ARFGEF2: variants seen among roughly 807,000 people sequenced by gnomAD.
ARFGEF2 encodes ARF guanine nucleotide exchange factor 2, also known as brefeldin A-inhibited guanine nucleotide-exchange protein 2.
A neutral mutation model predicts 219.9 loss-of-function variants in ARFGEF2; 74 were observed. The observed-to-expected ratio is 0.34, with a 90% CI of 0.28 to 0.41. ARFGEF2 has a LOEUF of 0.41. ARFGEF2 is among the 10% of genes least tolerant of loss of function. The probability of loss-of-function intolerance (pLI) is 1.00; values close to 1 mark genes in which losing one functional copy is unlikely to be tolerated. For missense variants in ARFGEF2, 1,743 were observed against 2,218.3 expected (o/e 0.79, Z 4.30); for synonymous variants, 733 against 799.2 (o/e 0.92, Z 1.40).
chr20:48,926,554 G>A (rs2090878096), intron 1 of ARFGEF2, among the ~76,000 whole-genome samples: 1 of 151,952 alleles, frequency 6.6e-6, no homozygotes, highest in South Asian at 2.1e-4. Context: ...TCCATCCCTG[G>A]CTCAGGTGAT....
chr20:49,016,218 C>T, intron 30 of ARFGEF2, 62 bp from the exon 31 acceptor site: 1 of 1,592,140 alleles, frequency 6.3e-7, no homozygotes, highest in Non-Finnish European at 8.6e-7. Context: ...CAGGAGTGTA[C>T]AAGAATGCCC....
chr20:48,986,236 T>C (rs942342066), intron 16 of ARFGEF2, among the ~76,000 whole-genome samples: 1 of 152,174 alleles, frequency 6.6e-6, no homozygotes, highest in Admixed American at 6.5e-5. Flanking sequence ...GTTTTACAGA[T>C]GAGGAAATTG....
At position 48,941,290 on chromosome 20, in the gene ARFGEF2, G is replaced by A. The variant is rs1419475187; in HGVS notation, c.152+61G>A. 7 of 1,549,412 alleles carry A rather than the reference G, an allele frequency of 4.5e-6. No individual in the cohort carries two copies. In the East Asian group the frequency reaches 1.4e-4, roughly 30 times the overall value. On this transcript the variant is annotated intron_variant, in intron 2 of 38. Transcript: ENST00000371917. ...CATGAAGGGAGTAGGTAGCAACTGG[G>A]GGAGCCTCTTTCTCTGCTTGGTTTC...
At chr20:48,932,690 C>G (rs1342605990) in intron 1 of ARFGEF2, among the ~76,000 whole-genome samples, 1 of 152,116 alleles carries the variant, frequency 6.6e-6, no homozygotes, top group Non-Finnish European at 1.5e-5. Flanking sequence ...CAAGGTTTGA[C>G]AGGACAAAGA....
At chr20:49,010,905 G>A (rs2091493765) in intron 27 of ARFGEF2, among the ~76,000 whole-genome samples, 1 of 152,220 alleles carries the variant, frequency 6.6e-6, no homozygotes, top group African/African-American at 2.4e-5. Context: ...GGTGGAAGAA[G>A]GTGGCACCCT....
At chr20:48,989,771 C>T in intron 20 of ARFGEF2, 87 bp downstream of exon 20, 1 of 1,588,714 alleles carries the variant, frequency 6.3e-7, no homozygotes, top group South Asian at 1.1e-5. Flanking sequence ...CAGAAATTTT[C>T]AGTTAATCAA....
chr20:48,998,272 C>T lies in ARFGEF2; in HGVS notation c.3262+39C>T, dbSNP rs758568878. The T allele has an allele frequency of 6.8e-6, 11 of 1,614,048 alleles. No homozygotes were observed. The South Asian group carries it at 1.2e-4, about 18-fold the overall frequency. On this transcript the variant is annotated intron_variant, in intron 24 of 38. Transcript: ENST00000371917. ...TTACCTGTGAAAACTGCAGAAGCCT[C>T]ACGCTGTGACCGTCTGACTGTTCCT...
At chr20:48,944,996 C>G (rs769288531) in intron 3 of ARFGEF2, among the ~76,000 whole-genome samples, 1 of 152,182 alleles carries the variant, frequency 6.6e-6, no homozygotes, top group African/African-American at 2.4e-5. Context: ...GATCAAGGTA[C>G]TGGCTGATTT....
chr20:49,035,442 C>T lies in ARFGEF2; in HGVS notation c.*2243C>T, dbSNP rs2091661168. 6.6e-6 allele frequency: 1 copy of T among 152,146 alleles called. No individual in the cohort carries two copies. Among genetic ancestry groups the T allele is most frequent in the African/African-American group, 2.4e-5 (1 of 41,430 alleles). 9.4% of individuals were successfully genotyped at this position (152,146 alleles called of 1,614,324 possible). ...ACTTTTAAAAAATTGGATGTAAAAC[C>T]ATTCAGGGTGATTTTTCTTGTCAGT... is the stretch of plus-strand genomic sequence containing the variant. On this transcript the variant is annotated 3_prime_UTR_variant, in exon 39 of 39. Transcript: ENST00000371917.
intron 14 of ARFGEF2, among the ~76,000 whole-genome samples, chr20:48,982,780 G>A (rs534543039): frequency 2.6e-5 from 4 of 152,330 alleles, no homozygotes; most frequent in South Asian, 2.1e-4. Context: ...GCAAGGCTCC[G>A]TGGGCGTGGG....
rs1163314127 is a variant in ARFGEF2, at chr20:48,986,613, CA to C, written c.2276+1011del. On this transcript the variant is annotated intron_variant, in intron 16 of 38. Transcript: ENST00000371917. ...TGGATGACAGAGGCAGACTCTGTCT[CA>C]AAAAAAAAAACTCATGTTCTCTCCA... 1.3e-4 allele frequency among the ~76,000 whole-genome samples: 19 copies of C among 142,104 alleles called. 1 individual carries two copies. Among genetic ancestry groups the C allele is most frequent in the South Asian group, 8.9e-4 (4 of 4,502 alleles). 93.2% of individuals were successfully genotyped at this position (142,104 alleles called of 152,430 possible).
At chr20:48,977,398 C>A (rs980632148) in intron 14 of ARFGEF2, among the ~76,000 whole-genome samples, 9 of 152,104 alleles carry the variant, frequency 5.9e-5, no homozygotes, top group African/African-American at 2.2e-4. Context: ...TGGGTTGATT[C>A]CAAGTTTTTG....
chr20:49,010,437 C>T (rs372547906), intron 27 of ARFGEF2, 33 bp downstream of exon 27: 5 of 1,610,162 alleles, frequency 3.1e-6, no homozygotes, highest in Non-Finnish European at 4.2e-6. Context: ...TACTAATGTC[C>T]CACCTGCAAG....
chr20:49,007,346 A>G (rs1234756932), intron 26 of ARFGEF2, among the ~76,000 whole-genome samples: 4 of 149,636 alleles, frequency 2.7e-5, no homozygotes, highest in South Asian at 2.1e-4. Context: ...CTGGAGTGTA[A>G]TGGTATGATC....
rs1398266161 is a variant in ARFGEF2 at position 48,989,344 on chromosome 20, A to G, written c.2593A>G (p.Lys865Glu). 1.9e-6 allele frequency: 3 copies of G among 1,614,214 alleles called. No homozygotes were observed. The highest frequency in any genetic ancestry group is 1.3e-5 in the African/African-American group (1 of 75,060). The change falls in exon 19 of 39, where the codon AAA becomes GAA. Residue 865 changes from lysine (K) to glutamate (E), a missense_variant. Lys to Glu is a moderately conservative substitution (Grantham distance 56, BLOSUM62 1). This residue lies in a region of ARFGEF2 where 666 missense variants were observed against 955.4 expected (regional missense o/e 0.70). Transcript: ENST00000371917. ...LYNLEMEQMA[K>E]TAKALMEAVS... ...CAACTTAGAGATGGAGCAAATGGCT[A>G]AAACAGCCAAAGCTCTGATGGAGGC...
rs1481021354 is a variant in ARFGEF2 at position 49,028,679 on chromosome 20, T to C, written c.5063+11T>C. 1 of 1,613,088 alleles carries C rather than the reference T, an allele frequency of 6.2e-7. No homozygotes were observed. Among genetic ancestry groups the C allele is most frequent in the Non-Finnish European group, 8.5e-7 (1 of 1,179,312 alleles). ...GCAGAGACTTTTAACGTAAGAAAAT[T>C]AGTTTCTGATTAGATTTCTATCTGC... On this transcript the variant is annotated intron_variant, in intron 37 of 38. Coordinates refer to ENST00000371917, the MANE Select transcript of ARFGEF2 (RefSeq NM_006420.3).
chr20:48,958,335 A>G (rs900542539), intron 6 of ARFGEF2, among the ~76,000 whole-genome samples: 4 of 152,224 alleles, frequency 2.6e-5, no homozygotes, highest in Non-Finnish European at 4.4e-5. Flanking sequence ...CACAGTGGGA[A>G]GTGGCAGAGC....
chr20:48,985,392 AGT>A lies in ARFGEF2; in HGVS notation c.2071-11_2071-10del. 1.2e-6 allele frequency: 2 copies of A among 1,613,686 alleles called. No individual in the cohort carries two copies. On this transcript the variant is annotated splice_polypyrimidine_tract_variant and intron_variant, in intron 15 of 38. Coordinates refer to ENST00000371917, the MANE Select transcript of ARFGEF2 (RefSeq NM_006420.3). ...ATTTGACAATTTCTGGATATAAGTG[AGT>A]GTGTATGTTTCAGACCCAAGTAGGC...
chr20:48,982,500 A>G (rs545906953), intron 14 of ARFGEF2, among the ~76,000 whole-genome samples: 1 of 152,304 alleles, frequency 6.6e-6, no homozygotes, highest in South Asian at 2.1e-4. Flanking sequence ...CAGAGCTCAA[A>G]CACCATGCTG....
Sources: gnomAD v4.1 joint callset for allele counts (sites outside exome capture counted in the v4.1 genomes callset) on GRCh38, gnomAD v4.1.1 for gene constraint, gnomAD v4.1.1 regional missense constraint, MANE v1.5 for transcripts, NCBI Gene and HGNC (gene_info 2026-07-23, HGNC 2026-07-21) for gene names.